Variants in GRID2 observed in about 807,000 individuals in gnomAD.
GRID2 encodes the protein glutamate ionotropic receptor delta type subunit 2.
In GRID2, 33 loss-of-function variants were observed where a neutral mutation model predicts 114.8. The ratio of observed to expected loss-of-function variants is 0.29; its 90% CI spans 0.22 to 0.38. The LOEUF (loss-of-function observed/expected upper bound fraction) is 0.38, where lower values mean the gene tolerates loss of function less well. Among genes scored for constraint, GRID2 ranks in the 10% least tolerant of loss-of-function variants. The pLI, the probability that GRID2 is intolerant of heterozygous loss-of-function variation, is 1.00. For missense variants in GRID2, 1,184 were observed against 1,257.7 expected, an observed-to-expected ratio of 0.94 and a Z score of 0.89; for synonymous variants, 505 against 449.9, an observed-to-expected ratio of 1.12 and a Z score of -1.55.
chr4:93,644,377 C>A (rs1721911525), intron 14 of GRID2, among the ~76,000 whole-genome samples: 1 of 152,096 alleles, frequency 6.6e-6, no homozygotes, highest in African/African-American at 2.4e-5. Context: ...ACCAATGTTC[C>A]ATGAGCAATG....
rs569957421 is a variant in GRID2, at chr4:92,719,759, A to G, written c.244+129473A>G. ...GAATAGGGGGAAGAAAAGATGACGAAGTAAAATAGGACATGTAATTCAAGA... is the reference window on the plus strand; with the variant it reads ...GAATAGGGGGAAGAAAAGATGACGAGGTAAAATAGGACATGTAATTCAAGA... On this transcript the variant is annotated intron_variant, in intron 2 of 15. Transcript: ENST00000282020. Among the ~76,000 whole-genome samples, 39 of 152,232 alleles carry G rather than the reference A, an allele frequency of 2.6e-4. 1 individual carries two copies. In the South Asian group the frequency reaches 8.1e-3, roughly 32 times the overall value.
chr4:93,167,227 G>T (rs1477818223), intron 4 of GRID2, among the ~76,000 whole-genome samples: 2 of 152,072 alleles, frequency 1.3e-5, no homozygotes, highest in African/African-American at 4.8e-5. Context: ...CTCTTGAATT[G>T]CTTCAATGAC....
intron 2 of GRID2, among the ~76,000 whole-genome samples, chr4:92,840,142 T>C (rs577983453): frequency 6.6e-6 from 1 of 152,132 alleles, no homozygotes; most frequent in Non-Finnish European, 1.5e-5. Flanking sequence ...TAGTGACTCC[T>C]GCTTATATTT....
At chr4:93,677,557 C>T (rs182804188) in intron 14 of GRID2, among the ~76,000 whole-genome samples, 6 of 152,120 alleles carry the variant, frequency 3.9e-5, no homozygotes, top group Admixed American at 2.0e-4. Context: ...ACACCTCGCA[C>T]GGCCGGGCAC....
chr4:93,758,892 C>T (rs1732977181), intron 14 of GRID2, among the ~76,000 whole-genome samples: 1 of 151,966 alleles, frequency 6.6e-6, no homozygotes. Context: ...TACCCTATAA[C>T]CCAAATATCA....
chr4:92,616,269 A>ATT (rs34532719), intron 2 of GRID2, among the ~76,000 whole-genome samples: 4,332 of 149,976 alleles, frequency 0.029, 228 homozygotes, highest in African/African-American at 0.1. Flanking sequence ...TGGTTGACAG[A>ATT]TTTTTTTTTT....
At chr4:93,285,790 G>A (rs1753092752) in intron 8 of GRID2, among the ~76,000 whole-genome samples, 1 of 151,774 alleles carries the variant, frequency 6.6e-6, no homozygotes, top group Admixed American at 6.6e-5. Flanking sequence ...AAGAATTGAT[G>A]GTAATAGTAT....
chr4:92,835,845 T>C (rs916709879), intron 2 of GRID2, among the ~76,000 whole-genome samples: 1 of 152,154 alleles, frequency 6.6e-6, no homozygotes, highest in African/African-American at 2.4e-5. Flanking sequence ...ACTTTGTCCA[T>C]ATAACAGGAA....
chr4:92,615,159 A>G (rs554638794), intron 2 of GRID2, among the ~76,000 whole-genome samples: 175 of 151,640 alleles, frequency 1.2e-3, no homozygotes, highest in African/African-American at 4.1e-3. Flanking sequence ...TGGGTTGCAA[A>G]TGCCTGCCTT....
At chr4:92,937,500 G>T (rs1049362421) in intron 2 of GRID2, among the ~76,000 whole-genome samples, 2 of 146,394 alleles carry the variant, frequency 1.4e-5, no homozygotes, top group Non-Finnish European at 1.5e-5. Flanking sequence ...GTTGACCATA[G>T]GCCCCTGGGT....
At chr4:92,788,066 G>A (rs890986949) in intron 2 of GRID2, among the ~76,000 whole-genome samples, 18 of 151,764 alleles carry the variant, frequency 1.2e-4, no homozygotes, top group African/African-American at 3.9e-4. Flanking sequence ...TAATATAATT[G>A]TGGATATATA....
intron 14 of GRID2, among the ~76,000 whole-genome samples, chr4:93,675,304 G>A (rs535697814): frequency 6.6e-6 from 1 of 151,904 alleles, no homozygotes; most frequent in South Asian, 2.1e-4. Context: ...TTATCTAACA[G>A]TTTTTTTTAA....
intron 14 of GRID2, among the ~76,000 whole-genome samples, chr4:93,724,571 G>T (rs1442232235): frequency 6.6e-6 from 1 of 151,942 alleles, no homozygotes; most frequent in Non-Finnish European, 1.5e-5. Flanking sequence ...GTCCTTCATT[G>T]GGTTACCTGT....
chr4:92,435,315 T>C (rs1350235151), intron 1 of GRID2, among the ~76,000 whole-genome samples: 2 of 152,128 alleles, frequency 1.3e-5, no homozygotes, highest in Non-Finnish European at 2.9e-5. Context: ...CAGAAAATAG[T>C]AAAATGTAAC....
Position 93,154,590 on chromosome 4 carries a change from C to G in GRID2, c.735+43637C>G, listed in dbSNP as rs146889858. On this transcript the variant is annotated intron_variant, in intron 4 of 15. Transcript: ENST00000282020. ...TTAGTGCAATGTACAGTAAGTAAGA[C>G]ATAATTTTTTATATAATAATTCTTC... is the stretch of plus-strand genomic sequence containing the variant. 4.3e-3 allele frequency among the ~76,000 whole-genome samples: 648 copies of G among 152,034 alleles called. 9 individuals are homozygous for G. The highest frequency in any genetic ancestry group is 0.015 in the African/African-American group (625 of 41,516).
At position 93,592,163 on chromosome 4, in the gene GRID2, A is replaced by G. The variant is rs537630677; in HGVS notation, c.2194-34106A>G. On this transcript the variant is annotated intron_variant, in intron 13 of 15. Coordinates refer to ENST00000282020, the MANE Select transcript of GRID2 (RefSeq NM_001510.4). ...ATTGTGATGTTAGGGTGTCAATTTT[A>G]GATCTTTCCGGCTTTCTCTTGTGGG... Among the ~76,000 whole-genome samples, 15 of 152,026 alleles carry G rather than the reference A, an allele frequency of 9.9e-5. 1 individual carries two copies. The South Asian group carries it at 2.3e-3, about 23-fold the overall frequency.
At chr4:93,537,741 T>C (rs935175984) in intron 13 of GRID2, among the ~76,000 whole-genome samples, 2 of 151,790 alleles carry the variant, frequency 1.3e-5, no homozygotes, top group Non-Finnish European at 1.5e-5. Context: ...TCATTAGAGA[T>C]GTTTGATCCT....
intron 4 of GRID2, among the ~76,000 whole-genome samples, chr4:93,131,743 T>A (rs1734825688): frequency 6.6e-6 from 1 of 152,162 alleles, no homozygotes; most frequent in African/African-American, 2.4e-5. Context: ...ATTCATTACC[T>A]CAAACATTAA....
intron 1 of GRID2, among the ~76,000 whole-genome samples, chr4:92,321,414 TC>T (rs1273933287): frequency 6.6e-6 from 1 of 152,198 alleles, no homozygotes; most frequent in East Asian, 1.9e-4. Flanking sequence ...ATAGAGTGGA[TC>T]CACGTAAGCC....
Sources: allele counts gnomAD v4.1 joint callset (sites outside exome capture counted in the v4.1 genomes callset), GRCh38; gene constraint gnomAD v4.1.1; transcripts MANE v1.5; gene names NCBI Gene and HGNC (gene_info 2026-07-23, HGNC 2026-07-21).